PEAK1: variants seen among roughly 807,000 people sequenced by gnomAD.
The protein encoded by PEAK1 is pseudopodium enriched atypical kinase 1.
In PEAK1, 54 loss-of-function variants were observed where a neutral mutation model predicts 124.7. The observed-to-expected ratio is 0.43, with a 90% CI of 0.35 to 0.54. The LOEUF (loss-of-function observed/expected upper bound fraction) is 0.54. PEAK1 is among the 20% of genes least tolerant of loss of function. The pLI is 0.01. For synonymous variants in PEAK1, 719 were observed against 760.0 expected (o/e 0.95, Z 0.89); for missense variants, 2,046 against 2,134.5 (o/e 0.96, Z 0.82).
intron 5 of PEAK1, among the ~76,000 whole-genome samples, chr15:77,260,046 T>A (rs915571907): frequency 6.6e-6 from 1 of 152,188 alleles, no homozygotes; most frequent in Admixed American, 6.5e-5. Context: ...GAAAAAATGT[T>A]ACCAGATAGT....
intron 2 of PEAK1, among the ~76,000 whole-genome samples, chr15:77,329,584 G>A (rs1381803527): frequency 6.6e-6 from 1 of 152,114 alleles, no homozygotes; most frequent in Non-Finnish European, 1.5e-5. Flanking sequence ...AGAAAGATAA[G>A]TCAGAGGAAA....
chr15:77,146,771 A>C (rs779919806), intron 8 of PEAK1, among the ~76,000 whole-genome samples: 8 of 152,186 alleles, frequency 5.3e-5, no homozygotes, highest in Non-Finnish European at 1.0e-4. Context: ...CAGTGTGTGG[A>C]ATAATGTCTG....
At chr15:77,287,537 C>T (rs2062990667) in intron 2 of PEAK1, among the ~76,000 whole-genome samples, 1 of 152,126 alleles carries the variant, frequency 6.6e-6, no homozygotes, top group South Asian at 2.1e-4. Context: ...AGACATAGAA[C>T]TTCTTCCTTC....
At chr15:77,122,974 C>T (rs535974284) in intron 9 of PEAK1, among the ~76,000 whole-genome samples, 2 of 152,192 alleles carry the variant, frequency 1.3e-5, no homozygotes, top group Admixed American at 1.3e-4. Context: ...TAAACGGAGA[C>T]TCTGGAGTCA....
At chr15:77,295,146 C>A (rs980479017) in intron 2 of PEAK1, among the ~76,000 whole-genome samples, 3 of 152,152 alleles carry the variant, frequency 2.0e-5, no homozygotes, top group Admixed American at 2.0e-4. Context: ...AAAAGTACCA[C>A]TCAGGGTGAC....
At chr15:77,285,212 T>C (rs1371207043) in intron 3 of PEAK1, 157 bp from the exon 4 acceptor site, 2 of 152,222 alleles carry the variant, frequency 1.3e-5, no homozygotes, top group Non-Finnish European at 1.5e-5. Context: ...CTTATTTCTT[T>C]GTTTTAAAGA....
rs1253555607 is a variant in PEAK1, at chr15:77,133,790, A to G, written c.3332-40T>C. ...AAGCAATAAAAAGAAAAGAGTAAGT[A>G]AAGTTTTCAATCTAATTTTATAACT... is the stretch of plus-strand genomic sequence containing the variant. On this transcript the variant is annotated intron_variant, in intron 8 of 9. Coordinates refer to ENST00000682557, the MANE Select transcript of PEAK1 (RefSeq NM_001385026.1). The surrounding 1 kb of genome is among the most constrained non-coding windows in gnomAD (Gnocchi z 4.2). 13 of 1,506,666 alleles carry G rather than the reference A, an allele frequency of 8.6e-6. No individual in the cohort carries two copies. The highest frequency in any genetic ancestry group is 2.8e-5 in the South Asian group (2 of 72,578). The allele number at this position is 1,506,666 out of a possible 1,614,324, so 93.3% of individuals were successfully genotyped here.
Position 77,110,611 on chromosome 15 carries a change from G to C in PEAK1, c.*3545C>G, listed in dbSNP as rs946296468. On this transcript the variant is annotated 3_prime_UTR_variant, in exon 10 of 10. Coordinates refer to ENST00000682557, the MANE Select transcript of PEAK1 (RefSeq NM_001385026.1). Reference sequence around the variant, plus strand: ...TCCTAACCAATATGTTTTACTTCTAGCTCCTCAACAGCAGCAGGGTAGGTA... The same window carrying C: ...TCCTAACCAATATGTTTTACTTCTACCTCCTCAACAGCAGCAGGGTAGGTA... 2 of 152,154 alleles carry C rather than the reference G, an allele frequency of 1.3e-5. No individual in the cohort carries two copies. Among genetic ancestry groups the C allele is most frequent in the Non-Finnish European group, 2.9e-5 (2 of 68,028 alleles). 9.4% of individuals were successfully genotyped at this position (152,154 alleles called of 1,614,324 possible). A position where few individuals can be genotyped will look rare whatever the true frequency, so the allele number is the denominator to read the frequency against.
Position 77,396,724 on chromosome 15 carries a change from A to G in PEAK1, c.-666+23282T>C, listed in dbSNP as rs569375490. Among the ~76,000 whole-genome samples, 8 of 152,320 alleles carry G rather than the reference A, an allele frequency of 5.3e-5. No homozygotes were observed. In the South Asian group the frequency reaches 8.3e-4, roughly 16 times the overall value. ...AGGGGTCAACTCAGCAATTAGATAT[A>G]ACAATTGCAAATATATATGTACCCA... On this transcript the variant is annotated intron_variant, in intron 1 of 9. Coordinates refer to ENST00000682557, the MANE Select transcript of PEAK1 (RefSeq NM_001385026.1).
intron 2 of PEAK1, among the ~76,000 whole-genome samples, chr15:77,342,093 G>A (rs904752417): frequency 6.7e-6 from 1 of 148,664 alleles, no homozygotes; most frequent in Admixed American, 6.7e-5. Context: ...GCAGTATGCA[G>A]AACACAAAAC....
chr15:77,373,772 A>G (rs1001828125), intron 1 of PEAK1, among the ~76,000 whole-genome samples: 42 of 152,204 alleles, frequency 2.8e-4, no homozygotes, highest in African/African-American at 9.9e-4. Flanking sequence ...AGCACAGGAC[A>G]CTGCCTAGCT....
intron 2 of PEAK1, among the ~76,000 whole-genome samples, chr15:77,302,080 C>CA (rs1317127789): frequency 2.0e-5 from 3 of 151,956 alleles, no homozygotes; most frequent in African/African-American, 7.3e-5. Context: ...TATTTTCTGT[C>CA]ACTCCGGAGG....
intron 6 of PEAK1, among the ~76,000 whole-genome samples, chr15:77,252,012 T>C (rs2060905547): frequency 6.6e-6 from 1 of 152,230 alleles, no homozygotes; most frequent in Non-Finnish European, 1.5e-5. Flanking sequence ...GCTGTTTTCT[T>C]CTACCTCTGG....
In PEAK1 at chr15:77,406,927, C is replaced by T. The variant is rs866642721; in HGVS notation, c.-666+13079G>A. ...CCTGGTACTGGTGTAAAAATAGGCACGTAGACCAATTTGAACAGAACAGAG... is the reference window on the plus strand; with the variant it reads ...CCTGGTACTGGTGTAAAAATAGGCATGTAGACCAATTTGAACAGAACAGAG... On this transcript the variant is annotated intron_variant, in intron 1 of 9. Transcript: ENST00000682557. 2.6e-5 allele frequency among the ~76,000 whole-genome samples: 4 copies of T among 152,050 alleles called. No individual in the cohort carries two copies. The South Asian group carries it at 8.3e-4, about 32-fold the overall frequency.
At chr15:77,383,566 G>A (rs559923208) in intron 1 of PEAK1, among the ~76,000 whole-genome samples, 21 of 152,156 alleles carry the variant, frequency 1.4e-4, no homozygotes, top group East Asian at 3.9e-4. Context: ...TTATGCTATC[G>A]GTGTGAAAAA....
chr15:77,198,233 T>A (rs941673532), intron 6 of PEAK1, among the ~76,000 whole-genome samples: 1 of 152,242 alleles, frequency 6.6e-6, no homozygotes, highest in East Asian at 1.9e-4. Context: ...GCGATGCTAA[T>A]CATCTCCACA....
chr15:77,333,205 G>C (rs1460012296), intron 2 of PEAK1: 3 of 913,764 alleles, frequency 3.3e-6, no homozygotes, highest in South Asian at 1.0e-4. Flanking sequence ...GGCTGGTCTT[G>C]AACTCCTAGG....
intron 5 of PEAK1, among the ~76,000 whole-genome samples, chr15:77,270,460 C>A (rs192993782): frequency 1.2e-4 from 19 of 152,284 alleles, no homozygotes; most frequent in African/African-American, 4.3e-4. Flanking sequence ...GTGCAAAAAT[C>A]ATAAGCATTC....
intron 6 of PEAK1, among the ~76,000 whole-genome samples, chr15:77,216,861 CA>C (rs1471530031): frequency 1.3e-5 from 2 of 152,220 alleles, no homozygotes; most frequent in South Asian, 4.2e-4. Flanking sequence ...AAATTTTAAA[CA>C]AGTAGGATTG....
Sources: gnomAD v4.1 joint callset for allele counts (sites outside exome capture counted in the v4.1 genomes callset) on GRCh38, gnomAD v4.1.1 for gene constraint, Gnocchi (gnomAD v3.1) non-coding constraint, MANE v1.5 for transcripts, NCBI Gene and HGNC (gene_info 2026-07-23, HGNC 2026-07-21) for gene names.